Variants in COL4A1 observed in about 807,000 individuals in gnomAD.
COL4A1 encodes collagen type IV alpha 1 chain.
Under a neutral mutation model 216.6 loss-of-function variants are expected in COL4A1, and 40 were observed. The observed-to-expected ratio is 0.18, with a 90% CI of 0.14 to 0.24. The LOEUF (loss-of-function observed/expected upper bound fraction) is 0.24. Among genes scored for constraint, COL4A1 ranks in the 10% least tolerant of loss-of-function variants. COL4A1 has a pLI of 1.00. For missense variants in COL4A1, 1,628 were observed against 2,196.8 expected, an observed-to-expected ratio of 0.74 and a Z score of 5.18; for synonymous variants, 839 against 810.7, an observed-to-expected ratio of 1.03 and a Z score of -0.59.
chr13:110,223,420 AGAT>A (rs1489729037), intron 2 of COL4A1, among the ~76,000 whole-genome samples: 1 of 152,242 alleles, frequency 6.6e-6, no homozygotes, highest in Non-Finnish European at 1.5e-5. Flanking sequence ...ATCCCAAAAA[AGAT>A]GATAACATTC....
chr13:110,170,430 G>T, intron 42 of COL4A1, 117 bp downstream of exon 42: 1 of 1,111,262 alleles, frequency 9.0e-7, no homozygotes, highest in Non-Finnish European at 1.3e-6. Flanking sequence ...TGTAATAAAT[G>T]CTGCAGACTT....
chr13:110,201,023 CG>C lies in COL4A1; in HGVS notation c.1085-135del. 3 of 936,954 alleles carry C rather than the reference CG, an allele frequency of 3.2e-6. No homozygotes were observed. In the South Asian group the frequency reaches 4.2e-5, roughly 13 times the overall value. 58.0% of individuals were successfully genotyped at this position (936,954 alleles called of 1,614,324 possible). ...GCCAAAGGGAACGTAGAAAACAGAG[CG>C]GGAGACCACCCGAGCCCCCACTCTG... On this transcript the variant is annotated intron_variant, in intron 19 of 51. Transcript: ENST00000375820.
At chr13:110,168,235 G>T (rs1287085384) in intron 43 of COL4A1, among the ~76,000 whole-genome samples, 2 of 152,108 alleles carry the variant, frequency 1.3e-5, no homozygotes, top group East Asian at 3.9e-4. Context: ...GGCTGGTCTC[G>T]AACTCCCCAC....
intron 15 of COL4A1, 140 bp from the exon 16 acceptor site, chr13:110,205,678 C>T (rs1430581819): frequency 5.6e-6 from 5 of 896,696 alleles, no homozygotes; most frequent in Admixed American, 3.8e-5. Context: ...GCCTGGCCAA[C>T]ATGGCGAAAT....
chr13:110,176,620 C>T lies in COL4A1; in HGVS notation c.2968+6G>A, dbSNP rs760570181. On this transcript the variant is annotated splice_donor_region_variant and intron_variant, in intron 35 of 51. Coordinates refer to ENST00000375820, the MANE Select transcript of COL4A1 (RefSeq NM_001845.6). ...CCACACTGGGGACCGGAGCTCCACA[C>T]TGTACCTGGCTGCCCAGGCTGTCCT... 2.5e-6 allele frequency: 4 copies of T among 1,613,130 alleles called. No homozygotes were observed. The highest frequency in any genetic ancestry group is 2.5e-6 in the Non-Finnish European group (3 of 1,179,166).
At chr13:110,158,572 CATATTCA>C (rs139347372) in intron 49 of COL4A1, among the ~76,000 whole-genome samples, 31,124 of 152,012 alleles carry the variant, frequency 0.2, 3,314 homozygotes, top group East Asian at 0.44. Context: ...CATCTTTCTT[CATATTCA>C]AAGACTGCTG....
chr13:110,174,945 TGGTTTCTACCTGCCATTC>T (rs1877813310), intron 37 of COL4A1, among the ~76,000 whole-genome samples, 196 bp from the exon 38 acceptor site: 2 of 152,214 alleles, frequency 1.3e-5, no homozygotes, highest in African/African-American at 4.8e-5. Context: ...GCCAACCATC[TGGTTTCTACCTGCCATTC>T]CTCTTCGTCC....
chr13:110,250,091 C>A (rs560375788), intron 1 of COL4A1, among the ~76,000 whole-genome samples: 1 of 151,784 alleles, frequency 6.6e-6, no homozygotes, highest in East Asian at 1.9e-4. Context: ...AATAATATTT[C>A]TGTTCCATTT....
At position 110,306,977 on chromosome 13, in the gene COL4A1, C is replaced by T; in HGVS notation, c.51G>A (p.Leu17=). 1.4e-6 allele frequency: 2 copies of T among 1,477,348 alleles called. No individual in the cohort carries two copies. Among genetic ancestry groups the T allele is most frequent in the Non-Finnish European group, 1.8e-6 (2 of 1,119,656 alleles). The allele number at this position is 1,477,348 out of a possible 1,614,324, so 91.5% of individuals were successfully genotyped here. Residue 17 remains leucine, a synonymous_variant, in exon 1 of 52, where the codon CTG becomes CTA. Transcript: ENST00000375820. ...VWLLLLPAAL[L]LHEEHSRAAA... is the part of the protein sequence containing the mutation. Reference sequence around the variant, plus strand: ...CGGCCCGGCTGTGCTCCTCGTGGAGCAGAAGGGCGGCGGGCAGCAGCAGCA... The same window carrying T: ...CGGCCCGGCTGTGCTCCTCGTGGAGTAGAAGGGCGGCGGGCAGCAGCAGCA...
At chr13:110,235,589 G>A (rs1359189772) in intron 2 of COL4A1, among the ~76,000 whole-genome samples, 2 of 151,606 alleles carry the variant, frequency 1.3e-5, no homozygotes, top group African/African-American at 4.8e-5. Context: ...AACCCGGGAG[G>A]TGGAGCTTGC....
chr13:110,207,001 C>G lies in COL4A1; in HGVS notation c.781-110G>C. 1 of 1,116,232 alleles carries G rather than the reference C, an allele frequency of 9.0e-7. No individual in the cohort carries two copies. Among genetic ancestry groups the G allele is most frequent in the East Asian group, 2.5e-5 (1 of 40,420 alleles). 69.1% of individuals were successfully genotyped at this position (1,116,232 alleles called of 1,614,324 possible). A position where few individuals can be genotyped will look rare whatever the true frequency, so the allele number is the denominator to read the frequency against. Reference sequence around the variant, plus strand: ...AAAAAACCTTTTTCTGATATATTAACAAAGAAATTCATGTTGATCTCCAGC... The same window carrying G: ...AAAAAACCTTTTTCTGATATATTAAGAAAGAAATTCATGTTGATCTCCAGC... On this transcript the variant is annotated intron_variant, in intron 13 of 51. Transcript: ENST00000375820. This position sits in a 1 kb window ranked among gnomAD's most constrained non-coding sequence, Gnocchi z 4.4.
chr13:110,287,724 T>G (rs1376910349), intron 1 of COL4A1, among the ~76,000 whole-genome samples: 1 of 152,180 alleles, frequency 6.6e-6, no homozygotes, highest in African/African-American at 2.4e-5. Flanking sequence ...TCACACACAC[T>G]TCCAATCTAT....
chr13:110,303,123 A>G (rs1884558562), intron 1 of COL4A1, among the ~76,000 whole-genome samples: 1 of 152,158 alleles, frequency 6.6e-6, no homozygotes, highest in Non-Finnish European at 1.5e-5. Context: ...TGTTATGACC[A>G]TCCTTGCCAG....
intron 1 of COL4A1, among the ~76,000 whole-genome samples, chr13:110,282,372 T>C (rs1883665559): frequency 6.6e-6 from 1 of 152,178 alleles, no homozygotes; most frequent in Non-Finnish European, 1.5e-5. Context: ...TCTTAGGTAT[T>C]ATCACTTTCC....
chr13:110,211,835 G>C lies in COL4A1; in HGVS notation c.441+34C>G. 3 of 1,600,912 alleles carry C rather than the reference G, an allele frequency of 1.9e-6. No homozygotes were observed. Among genetic ancestry groups the C allele is most frequent in the Non-Finnish European group, 2.5e-6 (3 of 1,177,844 alleles). On this transcript the variant is annotated intron_variant, in intron 7 of 51. Transcript: ENST00000375820. This position sits in a 1 kb window ranked among gnomAD's most constrained non-coding sequence, Gnocchi z 4.3. ...GAAAAGAGAGAAGTCATAACTAAAA[G>C]AAAGAAGTTCTGCCCTAAATAACCT...
At chr13:110,177,608 A>T (rs1232785929) in intron 33 of COL4A1, among the ~76,000 whole-genome samples, 1 of 152,142 alleles carries the variant, frequency 6.6e-6, no homozygotes, top group Admixed American at 6.5e-5. Context: ...TGTGCCAAGA[A>T]GGAAAGCCCA....
At chr13:110,166,787 G>C (rs1331071704) in intron 44 of COL4A1, among the ~76,000 whole-genome samples, 1 of 152,168 alleles carries the variant, frequency 6.6e-6, no homozygotes, top group African/African-American at 2.4e-5. Flanking sequence ...GCTGCGACCT[G>C]TTTTATTCAC....
chr13:110,260,832 G>A (rs1291940927), intron 1 of COL4A1, among the ~76,000 whole-genome samples: 3 of 151,950 alleles, frequency 2.0e-5, no homozygotes, highest in Non-Finnish European at 1.5e-5. Flanking sequence ...GGCAGATCAC[G>A]AGGTCAGGAG....
At chr13:110,186,182 A>G (rs377640660) in intron 26 of COL4A1, among the ~76,000 whole-genome samples, 3 of 152,344 alleles carry the variant, frequency 2.0e-5, no homozygotes, top group African/African-American at 7.2e-5. Context: ...CCACCTGCAT[A>G]TTACCTGGCC....
Sources: allele counts gnomAD v4.1 joint callset (sites outside exome capture counted in the v4.1 genomes callset), GRCh38; gene constraint gnomAD v4.1.1; non-coding constraint Gnocchi (gnomAD v3.1); transcripts MANE v1.5; gene names NCBI Gene and HGNC (gene_info 2026-07-23, HGNC 2026-07-21).